CCDC175: variants seen among roughly 807,000 people sequenced by gnomAD.
The protein encoded by CCDC175 is coiled-coil domain-containing protein 175.
CCDC175 carries 100 observed loss-of-function variants against 114.6 expected under a neutral mutation model. The observed-to-expected ratio is 0.87, with a 90% CI of 0.74 to 1.03. CCDC175 has a LOEUF of 1.03. CCDC175 is among the 50% of genes least tolerant of loss of function. The pLI, the probability that CCDC175 is intolerant of heterozygous loss-of-function variation, is 0.00. For synonymous variants in CCDC175, 306 were observed against 308.7 expected (o/e 0.99, Z 0.09); for missense variants, 880 against 917.8 (o/e 0.96, Z 0.53).
At chr14:59,558,756 A>G (rs373932490) in intron 7 of CCDC175, among the ~76,000 whole-genome samples, 25 of 152,186 alleles carry the variant, frequency 1.6e-4, no homozygotes, top group Non-Finnish European at 2.6e-4. Flanking sequence ...GGTGTACAGT[A>G]TCTGCATTTA....
At chr14:59,575,161 C>T (rs141236805) in intron 1 of CCDC175, 133 bp from the exon 2 acceptor site, 16 of 531,878 alleles carry the variant, frequency 3.0e-5, no homozygotes, top group South Asian at 6.0e-5. Context: ...TTGTACATTA[C>T]ACTAATCTCT....
chr14:59,571,282 A>C (rs1595084035), intron 3 of CCDC175, among the ~76,000 whole-genome samples: 1 of 152,240 alleles, frequency 6.6e-6, no homozygotes, highest in East Asian at 1.9e-4. Flanking sequence ...TCAAAATTTA[A>C]AACTTTTGTG....
At chr14:59,514,450 C>T (rs1397670569) in intron 17 of CCDC175, among the ~76,000 whole-genome samples, 1 of 152,052 alleles carries the variant, frequency 6.6e-6, no homozygotes, top group African/African-American at 2.4e-5. Flanking sequence ...ACTAGAATAA[C>T]CAATGCGGAG....
At chr14:59,552,305 T>A (rs1178602863) in intron 7 of CCDC175, among the ~76,000 whole-genome samples, 4 of 152,188 alleles carry the variant, frequency 2.6e-5, no homozygotes, top group African/African-American at 9.7e-5. Flanking sequence ...ACATTTGCTG[T>A]TCAGCAATAT....
At chr14:59,575,080 A>G in intron 1 of CCDC175, 52 bp from the exon 2 acceptor site, 1 of 1,030,720 alleles carries the variant, frequency 9.7e-7, no homozygotes, top group Non-Finnish European at 1.4e-6. Flanking sequence ...TCCAAATCCT[A>G]CTTAACCTTT....
chr14:59,543,067 G>A (rs17096372), intron 10 of CCDC175, among the ~76,000 whole-genome samples: 2,569 of 152,050 alleles, frequency 0.017, 70 homozygotes, highest in African/African-American at 0.058. Context: ...ACATCAATGG[G>A]ACTCAGTGTT....
chr14:59,529,037 C>T (rs1239087735), intron 14 of CCDC175, among the ~76,000 whole-genome samples: 1 of 152,188 alleles, frequency 6.6e-6, no homozygotes, highest in Admixed American at 6.5e-5. Flanking sequence ...TGCTTCAGAT[C>T]TTTGTCTGAT....
chr14:59,545,877 G>C (rs1895077902), intron 8 of CCDC175, among the ~76,000 whole-genome samples: 1 of 152,144 alleles, frequency 6.6e-6, no homozygotes, highest in African/African-American at 2.4e-5. Flanking sequence ...AAAAATATTT[G>C]TAGAAGTGTT....
Position 59,510,701 on chromosome 14 carries a change from C to A in CCDC175, c.2250G>T (p.Gly750=), listed in dbSNP as rs1201469524. The A allele has an allele frequency of 6.5e-7, 1 of 1,537,238 alleles. No homozygotes were observed. Among genetic ancestry groups the A allele is most frequent in the Admixed American group, 2.0e-5 (1 of 50,998 alleles). The change falls in exon 19 of 20, where the codon GGG becomes GGT. Residue 750 remains glycine (G), a synonymous_variant. Coordinates refer to ENST00000537690, the MANE Select transcript of CCDC175 (RefSeq NM_001164399.2). ...KMQHVSTWLR[G]SLEGLRLLVE... is the part of the protein sequence containing the mutation. ...CAAGCAAACGCAGCCCTTCAAGACT[C>A]CCTCGTAGCCATGTACTGACATGCT...
chr14:59,572,094 A>G (rs1308944148), intron 3 of CCDC175, among the ~76,000 whole-genome samples: 2 of 152,212 alleles, frequency 1.3e-5, no homozygotes, highest in Non-Finnish European at 2.9e-5. Context: ...TCTAGTCACA[A>G]CTGTTTTGGA....
intron 13 of CCDC175, among the ~76,000 whole-genome samples, chr14:59,535,386 A>G (rs1894334986): frequency 6.6e-6 from 1 of 152,178 alleles, no homozygotes; most frequent in South Asian, 2.1e-4. Flanking sequence ...GCCTAATTGC[A>G]CTGTATAAAC....
chr14:59,539,796 C>T (rs1894654160), intron 11 of CCDC175, among the ~76,000 whole-genome samples: 1 of 152,100 alleles, frequency 6.6e-6, no homozygotes. Flanking sequence ...TGCCTGTAAT[C>T]CCAGCTATCA....
chr14:59,549,902 T>C (rs1175411934), intron 8 of CCDC175, among the ~76,000 whole-genome samples: 1 of 151,786 alleles, frequency 6.6e-6, no homozygotes, highest in South Asian at 2.1e-4. Flanking sequence ...AATGGGATCA[T>C]ATCATACATA....
chr14:59,532,662 A>C (rs1233782144), intron 13 of CCDC175, among the ~76,000 whole-genome samples: 1 of 152,108 alleles, frequency 6.6e-6, no homozygotes, highest in Admixed American at 6.6e-5. Flanking sequence ...TGCTCCTGCA[A>C]CAGGAACAGC....
intron 8 of CCDC175, among the ~76,000 whole-genome samples, chr14:59,546,216 C>T (rs1895100212): frequency 6.6e-6 from 1 of 152,116 alleles, no homozygotes; most frequent in Non-Finnish European, 1.5e-5. Context: ...AATGCAGAAG[C>T]AGAAAATGAA....
At chr14:59,520,511 G>A (rs1566599068) in intron 17 of CCDC175, among the ~76,000 whole-genome samples, 1 of 152,080 alleles carries the variant, frequency 6.6e-6, no homozygotes, top group Admixed American at 6.6e-5. Flanking sequence ...ATTTACCCAA[G>A]AGAAATGAAA....
intron 19 of CCDC175, among the ~76,000 whole-genome samples, chr14:59,505,809 C>T (rs1892333957): frequency 6.6e-6 from 1 of 152,162 alleles, no homozygotes; most frequent in Admixed American, 6.6e-5. Context: ...GTGTATGGTA[C>T]TTTTGCTAAC....
intron 12 of CCDC175, among the ~76,000 whole-genome samples, chr14:59,538,499 G>C (rs1020026425): frequency 1.3e-5 from 2 of 152,128 alleles, no homozygotes; most frequent in Non-Finnish European, 2.9e-5. Flanking sequence ...TGCTTCAAAA[G>C]CATATTCTAC....
intron 18 of CCDC175, among the ~76,000 whole-genome samples, chr14:59,511,520 A>G (rs565829432): frequency 7.1e-6 from 1 of 141,628 alleles, no homozygotes; most frequent in Non-Finnish European, 1.5e-5. Flanking sequence ...AGTTTCCCAA[A>G]GAATTAAGAT....
Sources: allele counts gnomAD v4.1 joint callset (sites outside exome capture counted in the v4.1 genomes callset), GRCh38; gene constraint gnomAD v4.1.1; transcripts MANE v1.5; gene names NCBI Gene and HGNC (gene_info 2026-07-23, HGNC 2026-07-21).